INO80D: variants seen among roughly 807,000 people sequenced by gnomAD.
The protein encoded by INO80D is INO80 complex subunit D.
Under a neutral mutation model 87.6 loss-of-function variants are expected in INO80D, and 21 were observed. The observed-to-expected ratio is 0.24, with a 90% confidence interval of 0.17 to 0.35. INO80D has a LOEUF of 0.35. Ranked by LOEUF, INO80D falls within the 10% of genes least tolerant of loss-of-function variation. The probability of loss-of-function intolerance (pLI) is 1.00; values close to 1 mark genes in which losing one functional copy is unlikely to be tolerated. For missense variants in INO80D, 982 were observed against 1,280.7 expected, an observed-to-expected ratio of 0.77 and a Z score of 3.56; for synonymous variants, 440 against 491.0, an observed-to-expected ratio of 0.90 and a Z score of 1.37.
chr2:206,078,564 G>A (rs1448988909), intron 1 of INO80D, among the ~76,000 whole-genome samples: 1 of 152,172 alleles, frequency 6.6e-6, no homozygotes, highest in Non-Finnish European at 1.5e-5. Flanking sequence ...GGCAGGCTGA[G>A]GCAGAAGGAT....
At position 206,003,000 on chromosome 2, in the gene INO80D, A is replaced by T. The variant is rs945424013; in HGVS notation, c.*1368T>A. ...CCTCACAAATTCATCTCATAGTCAC[A>T]AACTTCCTAAACTACCCCATATGAT... is the stretch of plus-strand genomic sequence containing the variant. On this transcript the variant is annotated 3_prime_UTR_variant, in exon 11 of 11. Coordinates refer to ENST00000403263, the MANE Select transcript of INO80D (RefSeq NM_017759.5). The T allele has an allele frequency of 6.6e-6, 1 of 152,204 alleles. No individual in the cohort carries two copies. 9.4% of individuals were successfully genotyped at this position (152,204 alleles called of 1,614,324 possible). A position where few individuals can be genotyped will look rare whatever the true frequency, so the allele number is the denominator to read the frequency against.
chr2:206,063,088 G>C, intron 2 of INO80D, 43 bp from the exon 3 acceptor site: 1 of 1,029,182 alleles, frequency 9.7e-7, no homozygotes, highest in Non-Finnish European at 1.5e-6. Context: ...TGATAAATCA[G>C]AGAGTATAAG....
chr2:206,075,248 A>G (rs1690080604), intron 1 of INO80D, among the ~76,000 whole-genome samples: 3 of 152,184 alleles, frequency 2.0e-5, no homozygotes, highest in Admixed American at 2.0e-4. Context: ...TGACAAAAAT[A>G]TGAACATTAT....
chr2:206,057,714 A>G (rs911439762), intron 3 of INO80D, among the ~76,000 whole-genome samples: 1 of 152,156 alleles, frequency 6.6e-6, no homozygotes, highest in African/African-American at 2.4e-5. Context: ...ATAAGCAAGT[A>G]TACTGCTTGG....
chr2:206,051,471 T>C (rs946310708), intron 4 of INO80D, among the ~76,000 whole-genome samples: 20 of 151,890 alleles, frequency 1.3e-4, no homozygotes, highest in Admixed American at 9.8e-4. Flanking sequence ...TACCAATCAA[T>C]AGAAAATAAA....
intron 6 of INO80D, among the ~76,000 whole-genome samples, chr2:206,027,133 T>C (rs995325547): frequency 2.8e-5 from 4 of 145,084 alleles, no homozygotes; most frequent in Non-Finnish European, 6.0e-5. Context: ...CACTGGAAAA[T>C]TTACACACGC....
chr2:206,024,372 G>C (rs1023165093), intron 6 of INO80D, among the ~76,000 whole-genome samples: 1 of 152,002 alleles, frequency 6.6e-6, no homozygotes, highest in African/African-American at 2.4e-5. Context: ...ATAGTCCAGG[G>C]AATCAGGGAA....
In INO80D at chr2:206,003,692, TA is replaced by T. The variant is rs1687945317; in HGVS notation, c.*675del. The T allele has an allele frequency of 6.6e-6, 1 of 152,178 alleles. No individual in the cohort carries two copies. 9.4% of individuals were successfully genotyped at this position (152,178 alleles called of 1,614,324 possible). ...TGTGAGATGTAGGACAGGAGAAAAGTAAGAGTTTTATACTCATTAAGTAGGG... is the reference window on the plus strand; with the variant it reads ...TGTGAGATGTAGGACAGGAGAAAAGTAGAGTTTTATACTCATTAAGTAGGG... On this transcript the variant is annotated 3_prime_UTR_variant, in exon 11 of 11. Transcript: ENST00000403263.
At position 206,005,380 on chromosome 2, in the gene INO80D, C is replaced by T. The variant is rs1321644755; in HGVS notation, c.2072G>A (p.Gly691Glu). Residue 691 changes from glycine (G) to glutamate (E), a missense_variant, in exon 11 of 11, where the codon GGG (glycine) becomes GAG (glutamate). By Grantham distance (98) the Gly-to-Glu change is moderately conservative. Transcript: ENST00000403263. The stretch of plus-strand genomic sequence containing the variant: ...AGCTCCAGTACCTGTGGAGAACACC[C>T]CTATTCCTCTATCTGACAACTCCTG... The part of the protein sequence containing the change: ...PVQELSDRGI[G>E]VFSTGTGASG... The T allele has an allele frequency of 3.1e-6, 5 of 1,613,856 alleles. No individual in the cohort carries two copies. The highest frequency in any genetic ancestry group is 3.4e-6 in the Non-Finnish European group (4 of 1,179,900).
chr2:206,038,211 T>G (rs924511153), intron 5 of INO80D, among the ~76,000 whole-genome samples: 23 of 152,344 alleles, frequency 1.5e-4, no homozygotes, highest in African/African-American at 5.0e-4. Flanking sequence ...AAACTGCATG[T>G]GTACCCCATA....
At chr2:206,005,574 C>A in intron 10 of INO80D, 41 bp from the exon 11 acceptor site, 1 of 1,417,808 alleles carries the variant, frequency 7.1e-7, no homozygotes, top group Non-Finnish European at 9.8e-7. Flanking sequence ...AGAGCTTTTA[C>A]CAGTTCTACA....
Position 206,056,304 on chromosome 2 carries a change from T to C in INO80D, c.858A>G (p.Lys286=). The change falls in exon 4 of 11, where the codon AAA becomes AAG. Residue 286 remains lysine (K), a synonymous_variant. Coordinates refer to ENST00000403263, the MANE Select transcript of INO80D (RefSeq NM_017759.5). ...DPPRTDRILM[K]ATAFSPHFSC... The stretch of plus-strand genomic sequence containing the variant: ...AGAAGTGTGGAGAGAAGGCTGTGGC[T>C]TTCATGAGGATCCGGTCAGTCCTGG... The C allele has an allele frequency of 6.2e-7, 1 of 1,614,000 alleles. No homozygotes were observed. Among genetic ancestry groups the C allele is most frequent in the Non-Finnish European group, 8.5e-7 (1 of 1,179,882 alleles).
intron 8 of INO80D, 54 bp downstream of exon 8, chr2:206,017,626 C>T: frequency 7.1e-7 from 1 of 1,409,946 alleles, no homozygotes; most frequent in Non-Finnish European, 9.5e-7. Context: ...TTATAAAATA[C>T]TTCCTACAGT....
At chr2:206,065,970 ACAGCATGGGCCGGGCG>A (rs1298924141) in intron 1 of INO80D, among the ~76,000 whole-genome samples, 3 of 152,260 alleles carry the variant, frequency 2.0e-5, no homozygotes, top group Admixed American at 2.0e-4. Context: ...ACTATAAAGA[ACAGCATGGGCCGGGCG>A]CAGTGGCTCA....
chr2:206,007,235 T>C lies in INO80D; in HGVS notation c.1918+49A>G, dbSNP rs773612650. 12 of 1,523,238 alleles carry C rather than the reference T, an allele frequency of 7.9e-6. No homozygotes were observed. The South Asian group carries it at 1.4e-4, about 18-fold the overall frequency. 94.4% of individuals were successfully genotyped at this position (1,523,238 alleles called of 1,614,324 possible). ...TCTCAAAACACTATTTCTTTTCTTA[T>C]AAACTCATTTTTAAAACCAGTTTCC... is the stretch of plus-strand genomic sequence containing the variant. On this transcript the variant is annotated intron_variant, in intron 10 of 10. Coordinates refer to ENST00000403263, the MANE Select transcript of INO80D (RefSeq NM_017759.5).
intron 5 of INO80D, chr2:206,040,370 G>C (rs1427893430): frequency 6.5e-6 from 1 of 154,054 alleles, no homozygotes; most frequent in East Asian, 1.9e-4. Context: ...TAACATGTTA[G>C]ACGTAAATGC....
chr2:206,077,502 TACA>T (rs1011099361), intron 1 of INO80D, among the ~76,000 whole-genome samples: 12 of 152,198 alleles, frequency 7.9e-5, no homozygotes, highest in African/African-American at 2.7e-4. Flanking sequence ...AAATATTTCC[TACA>T]TTCTATAGAG....
chr2:206,063,327 C>T (rs1210662512), intron 1 of INO80D, 83 bp from the exon 2 acceptor site: 1 of 494,368 alleles, frequency 2.0e-6, no homozygotes, highest in African/African-American at 2.0e-5. Flanking sequence ...TAAGATATCA[C>T]CCTTACTAAT....
Position 206,004,336 on chromosome 2 carries a change from T to C in INO80D, c.*32A>G, listed in dbSNP as rs1378173824. 3.9e-6 allele frequency: 6 copies of C among 1,542,730 alleles called. No individual in the cohort carries two copies. The highest frequency in any genetic ancestry group is 3.5e-6 in the Non-Finnish European group (4 of 1,136,160). On this transcript the variant is annotated 3_prime_UTR_variant, in exon 11 of 11. Transcript: ENST00000403263. The surrounding 1 kb of genome is among the most constrained non-coding windows in gnomAD (Gnocchi z 4.9). Reference sequence around the variant, plus strand: ...GGAAACAAAGATAGAAAACACTGGGTTCCCCACCTGCCTGCAAACACACAG... The same window carrying C: ...GGAAACAAAGATAGAAAACACTGGGCTCCCCACCTGCCTGCAAACACACAG...
Sources: allele counts gnomAD v4.1 joint callset (sites outside exome capture counted in the v4.1 genomes callset), GRCh38; gene constraint gnomAD v4.1.1; non-coding constraint Gnocchi (gnomAD v3.1); transcripts MANE v1.5; gene names NCBI Gene and HGNC (gene_info 2026-07-23, HGNC 2026-07-21).